The following JADE3 variants were observed in gnomAD, a reference collection of about 807,000 sequenced individuals.
The protein encoded by JADE3 is protein Jade-3.
In JADE3, 2 loss-of-function variants were observed where a neutral mutation model predicts 50.1. The ratio of observed to expected loss-of-function variants is 0.04; its 90% CI spans 0.02 to 0.13. The LOEUF is 0.13. JADE3 is among the 10% of genes least tolerant of loss of function. The pLI is 1.00. For missense variants in JADE3, 475 were observed against 634.4 expected, an observed-to-expected ratio of 0.75 and a Z score of 2.70; for synonymous variants, 218 against 232.9, an observed-to-expected ratio of 0.94 and a Z score of 0.58.
Position 47,058,236 on chromosome X carries a change from A to G in JADE3, c.1631A>G (p.Lys544Arg). Residue 544 changes from lysine to arginine, a missense_variant, in exon 11 of 11, where the codon AAA becomes AGA. By Grantham distance (26) the Lys-to-Arg change is conservative. Coordinates refer to ENST00000614628, the MANE Select transcript of JADE3 (RefSeq NM_014735.5). The stretch of plus-strand genomic sequence containing the variant: ...CCACCAAGAATTACCTTGAAGTTAA[A>G]AATGCCCAAATCAACCCCAGAAGAC... The part of the protein sequence containing the change: ...YPPPRITLKL[K>R]MPKSTPEDHR... 1 of 1,210,568 alleles carries G rather than the reference A, an allele frequency of 8.3e-7. No homozygotes were observed. Among genetic ancestry groups the G allele is most frequent in the South Asian group, 1.8e-5 (1 of 56,866 alleles).
At chrX:46,916,324 A>G (rs1444010208) in intron 1 of JADE3, among the ~76,000 whole-genome samples, 1 of 111,546 alleles carries the variant, frequency 9.0e-6, no homozygotes, top group Non-Finnish European at 1.9e-5. Flanking sequence ...GAAATTTATT[A>G]TTTGTTGTTT....
rs1388229656 is a variant in JADE3 at position 47,054,299 on chromosome X, C to T, written c.1114C>T (p.Leu372Phe). ...CLKHSQNRQK[L>F]GEAEYPHHRA... Reference sequence around the variant, plus strand: ...CAAGCATAGCCAAAACAGGCAGAAACTTGGAGAAGCTGAGTACCCCCACCA... The same window carrying T: ...CAAGCATAGCCAAAACAGGCAGAAATTTGGAGAAGCTGAGTACCCCCACCA... Residue 372 changes from leucine to phenylalanine, a missense_variant, in exon 9 of 11, where the codon CTT becomes TTT. By Grantham distance (22) the Leu-to-Phe change is conservative. This residue lies in a region of JADE3 where 81 missense variants were observed against 123.8 expected (regional missense o/e 0.65). Transcript: ENST00000614628. 1.7e-6 allele frequency: 2 copies of T among 1,207,132 alleles called. No individual in the cohort carries two copies. The highest frequency in any genetic ancestry group is 1.1e-6 in the Non-Finnish European group (1 of 894,455).
chrX:46,955,823 G>T (rs1313807282), intron 1 of JADE3, among the ~76,000 whole-genome samples: 1 of 110,268 alleles, frequency 9.1e-6, no homozygotes, highest in Non-Finnish European at 1.9e-5. Flanking sequence ...TTACCCCAAA[G>T]AATACATATT....
At chrX:46,955,848 T>C (rs1370255520) in intron 1 of JADE3, among the ~76,000 whole-genome samples, 3 of 110,857 alleles carry the variant, frequency 2.7e-5, no homozygotes, top group African/African-American at 9.9e-5. Flanking sequence ...CTCCATACAG[T>C]TTTGAGGCTA....
At position 47,023,157 on chromosome X, in the gene JADE3, A is replaced by T. The variant is rs186619712; in HGVS notation, c.285-1567A>T. On this transcript the variant is annotated intron_variant, in intron 4 of 10. Coordinates refer to ENST00000614628, the MANE Select transcript of JADE3 (RefSeq NM_014735.5). ...GTTCAGGGGTACATGTGCAGGATGT[A>T]TAGGTTTGTTACATAAATAAACGTG... Among the ~76,000 whole-genome samples the T allele has an allele frequency of 2.9e-3, 321 of 111,305 alleles. 1 individual carries two copies. Among genetic ancestry groups the T allele is most frequent in the Admixed American group, 0.024 (253 of 10,423 alleles).
At chrX:47,037,611 C>A (rs1256810331) in intron 7 of JADE3, among the ~76,000 whole-genome samples, 2 of 111,433 alleles carry the variant, frequency 1.8e-5, no homozygotes, top group Non-Finnish European at 3.8e-5. Context: ...CATAGCAAGA[C>A]CTGGTCTCTA....
intron 1 of JADE3, among the ~76,000 whole-genome samples, chrX:46,952,845 A>T (rs1444623221): frequency 1.8e-5 from 2 of 111,277 alleles, no homozygotes; most frequent in African/African-American, 3.3e-5. Context: ...TGAAAATATA[A>T]AATTTAGCCG....
intron 3 of JADE3, among the ~76,000 whole-genome samples, chrX:46,986,139 T>C (rs1260729058): frequency 9.0e-6 from 1 of 111,717 alleles, no homozygotes; most frequent in Non-Finnish European, 1.9e-5. Context: ...TGCCCAGTCT[T>C]GAACCTTCCA....
rs184175822 is a variant in JADE3 at position 46,953,036 on chromosome X, A to G, written c.-11-31848A>G. Among the ~76,000 whole-genome samples, 512 of 110,735 alleles carry G rather than the reference A, an allele frequency of 4.6e-3. 2 individuals carry two copies. Among genetic ancestry groups the G allele is most frequent in the Middle Eastern group, 0.023 (5 of 213 alleles). ...GATTTGGCTTTGCCCTTTTGGAGCC[A>G]TAGTTCCACCAAATGGACAGAAGTT... On this transcript the variant is annotated intron_variant, in intron 1 of 10. Coordinates refer to ENST00000614628, the MANE Select transcript of JADE3 (RefSeq NM_014735.5).
At chrX:47,012,580 CA>C (rs1240050574) in intron 4 of JADE3, among the ~76,000 whole-genome samples, 11 of 102,555 alleles carry the variant, frequency 1.1e-4, no homozygotes, top group Non-Finnish European at 2.2e-4. Context: ...GACCCTGCCT[CA>C]AAAAAAAAAG....
chrX:47,038,892 A>G, intron 7 of JADE3, 57 bp from the exon 8 acceptor site: 1 of 608,249 alleles, frequency 1.6e-6, no homozygotes, highest in East Asian at 3.3e-5. Flanking sequence ...ATGGTTTGTG[A>G]AAGGTACTTC....
intron 3 of JADE3, among the ~76,000 whole-genome samples, chrX:46,988,442 A>T (rs1556355149): frequency 9.0e-6 from 1 of 111,513 alleles, no homozygotes; most frequent in Non-Finnish European, 1.9e-5. Flanking sequence ...TGTTTTATTA[A>T]CCAGTATGCA....
At chrX:46,959,710 G>C (rs1416309446) in intron 1 of JADE3, among the ~76,000 whole-genome samples, 1 of 110,396 alleles carries the variant, frequency 9.1e-6, no homozygotes, top group East Asian at 2.8e-4. Context: ...GAGCAGTCCA[G>C]AGTAGGGGGT....
chrX:46,921,634 T>G (rs1926223957), intron 1 of JADE3, among the ~76,000 whole-genome samples: 1 of 111,939 alleles, frequency 8.9e-6, no homozygotes. Context: ...AAAGATTATA[T>G]TCTACCTTCA....
At chrX:47,024,058 G>A (rs1330131000) in intron 4 of JADE3, among the ~76,000 whole-genome samples, 2 of 112,526 alleles carry the variant, frequency 1.8e-5, no homozygotes, top group Admixed American at 1.9e-4. Flanking sequence ...TATTAATTTG[G>A]CTGAAATATA....
At chrX:46,930,806 C>T (rs958249948) in intron 1 of JADE3, among the ~76,000 whole-genome samples, 1 of 111,363 alleles carries the variant, frequency 9.0e-6, no homozygotes, top group African/African-American at 3.3e-5. Flanking sequence ...CTCCATGTTG[C>T]GTCCCTCCTA....
chrX:47,031,223 G>T (rs2146978707), intron 6 of JADE3, among the ~76,000 whole-genome samples: 1 of 111,383 alleles, frequency 9.0e-6, no homozygotes, highest in Admixed American at 9.6e-5. Context: ...CCTCTCTTCT[G>T]CCAGTCTGAA....
At chrX:47,053,178 T>C (rs1323804202) in intron 8 of JADE3, among the ~76,000 whole-genome samples, 1 of 111,951 alleles carries the variant, frequency 8.9e-6, no homozygotes, top group Non-Finnish European at 1.9e-5. Flanking sequence ...CCCAACGCTT[T>C]AGGAGGCTGA....
intron 4 of JADE3, among the ~76,000 whole-genome samples, chrX:46,998,760 T>C (rs1261278975): frequency 9.0e-6 from 1 of 111,376 alleles, no homozygotes; most frequent in African/African-American, 3.3e-5. Flanking sequence ...TGGCACCATC[T>C]TGGCTCACTG....
Sources: gnomAD v4.1 joint callset for allele counts (sites outside exome capture counted in the v4.1 genomes callset) on GRCh38, gnomAD v4.1.1 for gene constraint, gnomAD v4.1.1 regional missense constraint, MANE v1.5 for transcripts, NCBI Gene and HGNC (gene_info 2026-07-23, HGNC 2026-07-21) for gene names.